Variants in NFKBIE observed in about 807,000 individuals in gnomAD.
NFKBIE encodes NF-kappa-B inhibitor epsilon.
NFKBIE carries 11 observed loss-of-function variants against 31.6 expected under a neutral mutation model. The observed-to-expected ratio is 0.35, with a 90% CI of 0.22 to 0.58. The LOEUF (loss-of-function observed/expected upper bound fraction) is 0.58. Ranked by LOEUF, NFKBIE falls within the 20% of genes least tolerant of loss-of-function variation. NFKBIE has a pLI of 0.83. For synonymous variants in NFKBIE, 208 were observed against 210.1 expected, an observed-to-expected ratio of 0.99 and a Z score of 0.09; for missense variants, 354 against 465.7, an observed-to-expected ratio of 0.76 and a Z score of 2.21.
intron 2 of NFKBIE, 142 bp downstream of exon 2, chr6:44,262,418 A>C: frequency 1.5e-6 from 1 of 671,444 alleles, no homozygotes. Context: ...GCCATGTCTT[A>C]CTTGGGTCTG....
Position 44,259,114 on chromosome 6 carries a change from TA to T in NFKBIE, c.*104del. On this transcript the variant is annotated 3_prime_UTR_variant, in exon 6 of 6. Transcript: ENST00000619360. The stretch of plus-strand genomic sequence containing the variant: ...CCCAGGCTCTGGCCACAGCAGTCCC[TA>T]GGGCACCAGAAGAGCACATAGCCTG... 1.6e-6 allele frequency: 2 copies of T among 1,222,698 alleles called. No individual in the cohort carries two copies. Among genetic ancestry groups the T allele is most frequent in the Non-Finnish European group, 2.4e-6 (2 of 836,822 alleles). The allele number at this position is 1,222,698 out of a possible 1,614,324, so 75.7% of individuals were successfully genotyped here. A position where few individuals can be genotyped will look rare whatever the true frequency, so the allele number is the denominator to read the frequency against.
chr6:44,262,420 T>C (rs991625532), intron 2 of NFKBIE, 140 bp downstream of exon 2: 28 of 681,286 alleles, frequency 4.1e-5, no homozygotes, highest in Non-Finnish European at 6.7e-5. Context: ...CATGTCTTAC[T>C]TGGGTCTGTC....
Position 44,264,972 on chromosome 6 carries a change from C to T in NFKBIE, c.365+10G>A, listed in dbSNP as rs1782064725. On this transcript the variant is annotated intron_variant, in intron 1 of 5. Transcript: ENST00000619360. Reference sequence around the variant, plus strand: ...TTAGCATCCCGATTCAGCCTAGCCCCCATACTCACGTGTCTCCGTCCTCGG... The same window carrying T: ...TTAGCATCCCGATTCAGCCTAGCCCTCATACTCACGTGTCTCCGTCCTCGG... 2 of 1,558,566 alleles carry T rather than the reference C, an allele frequency of 1.3e-6. No individual in the cohort carries two copies. The highest frequency in any genetic ancestry group is 1.7e-6 in the Non-Finnish European group (2 of 1,151,994).
chr6:44,265,374 G>C lies in NFKBIE; in HGVS notation c.-28C>G, dbSNP rs766864686. The C allele has an allele frequency of 8.3e-6, 13 of 1,564,072 alleles. No individual in the cohort carries two copies. The Admixed American group carries it at 2.0e-4, about 24-fold the overall frequency. ...CCGCGGCTCTGGCCGGCCGGGGCCC[G>C]GTCTGAGCAGGATCCGGCTCCAGGC... On this transcript the variant is annotated 5_prime_UTR_variant, in exon 1 of 6. Transcript: ENST00000619360.
rs973482513 is a variant in NFKBIE at position 44,260,884 on chromosome 6, C to T, written c.692-345G>A. Among the ~76,000 whole-genome samples the T allele has an allele frequency of 1.3e-4, 20 of 151,148 alleles. No homozygotes were observed. In the South Asian group the frequency reaches 3.8e-3, roughly 28 times the overall value. ...AGACACACACACACACACACACACA[C>T]ACACACAACCTGCCTTCAAGCCCAG... On this transcript the variant is annotated intron_variant, in intron 3 of 5. Coordinates refer to ENST00000619360, the MANE Select transcript of NFKBIE (RefSeq NM_004556.3). This position sits in a 1 kb window ranked among gnomAD's most constrained non-coding sequence, Gnocchi z 5.5.
In NFKBIE at chr6:44,262,544, T is replaced by C. The variant is rs769991234; in HGVS notation, c.468+16A>G. 1 of 1,610,318 alleles carries C rather than the reference T, an allele frequency of 6.2e-7. No homozygotes were observed. On this transcript the variant is annotated intron_variant, in intron 2 of 5. Coordinates refer to ENST00000619360, the MANE Select transcript of NFKBIE (RefSeq NM_004556.3). ...CACAAACAGGTATCTGGGCATAACA[T>C]TCTCTCGCCACCAACCTGGTAAAGG...
intron 2 of NFKBIE, among the ~76,000 whole-genome samples, 166 bp downstream of exon 2, chr6:44,262,394 A>T (rs1291985472): frequency 2.0e-5 from 3 of 152,184 alleles, no homozygotes; most frequent in Non-Finnish European, 4.4e-5. Flanking sequence ...GGATGCAAGC[A>T]CCTCAGGACA....
rs1293789410 is a variant in NFKBIE, at chr6:44,263,399, G to A, written c.366-737C>T. On this transcript the variant is annotated intron_variant, in intron 1 of 5. Transcript: ENST00000619360. The surrounding 1 kb of genome is among the most constrained non-coding windows in gnomAD (Gnocchi z 5.0). ...GTCTTGGGGTTTCCCCACGTCAGGT[G>A]GGGAAAACGAAAGCCAGTGATGGAG... Among the ~76,000 whole-genome samples, 2 of 152,148 alleles carry A rather than the reference G, an allele frequency of 1.3e-5. No individual in the cohort carries two copies. The highest frequency in any genetic ancestry group is 2.9e-5 in the Non-Finnish European group (2 of 68,022).
chr6:44,261,711 G>C lies in NFKBIE; in HGVS notation c.606C>G (p.Ala202=), dbSNP rs1410453020. The C allele has an allele frequency of 6.2e-7, 1 of 1,614,178 alleles. No individual in the cohort carries two copies. The highest frequency in any genetic ancestry group is 8.5e-7 in the Non-Finnish European group (1 of 1,180,038). The stretch of plus-strand genomic sequence containing the variant: ...GCCCTTCCAGCAGGCAGCGGGCACA[G>C]GCCAAGTGCTGGCGCTGGCAGGCCA... ...LHVACQRQHL[A]CARCLLEGRP... Residue 202 remains alanine (A), a synonymous_variant, in exon 3 of 6, where the codon GCC becomes GCG. Transcript: ENST00000619360. This position sits in a 1 kb window ranked among gnomAD's most constrained non-coding sequence, Gnocchi z 4.3.
Position 44,261,086 on chromosome 6 carries a change from C to T in NFKBIE, c.691+540G>A, listed in dbSNP as rs1444998577. On this transcript the variant is annotated intron_variant, in intron 3 of 5. Transcript: ENST00000619360. The surrounding 1 kb of genome is among the most constrained non-coding windows in gnomAD (Gnocchi z 4.3). ...TCAAATTTACATTCTTCACCTTCCT[C>T]AGGGCGCTATTCAGATGTCACTGGC... 6.6e-6 allele frequency among the ~76,000 whole-genome samples: 1 copy of T among 152,178 alleles called. No homozygotes were observed. Among genetic ancestry groups the T allele is most frequent in the African/African-American group, 2.4e-5 (1 of 41,438 alleles).
At chr6:44,264,375 G>C (rs1782035906) in intron 1 of NFKBIE, among the ~76,000 whole-genome samples, 1 of 152,236 alleles carries the variant, frequency 6.6e-6, no homozygotes, top group Non-Finnish European at 1.5e-5. Context: ...TCTGGAGGTA[G>C]AGGATGTCAG....
intron 5 of NFKBIE, among the ~76,000 whole-genome samples, 179 bp from the exon 6 acceptor site, chr6:44,259,463 C>T (rs1389821036): frequency 2.6e-5 from 4 of 152,032 alleles, no homozygotes; most frequent in African/African-American, 4.8e-5. Flanking sequence ...CTTGGCAGAG[C>T]CCTGAGGACT....
intron 2 of NFKBIE, among the ~76,000 whole-genome samples, chr6:44,262,138 C>A (rs1194430854): frequency 1.3e-5 from 2 of 152,110 alleles, no homozygotes; most frequent in East Asian, 1.9e-4. Flanking sequence ...AGAGTCTAGC[C>A]CCTCACCCTG....
rs950959942 is a variant in NFKBIE, at chr6:44,261,280, T to A, written c.691+346A>T. ...TTGCTCATCTCAATCTTTCTCTATT[T>A]TGCACACAGATGCAAGTGTAGCTCC... On this transcript the variant is annotated intron_variant, in intron 3 of 5. Coordinates refer to ENST00000619360, the MANE Select transcript of NFKBIE (RefSeq NM_004556.3). This position sits in a 1 kb window ranked among gnomAD's most constrained non-coding sequence, Gnocchi z 4.3. 1.3e-5 allele frequency among the ~76,000 whole-genome samples: 2 copies of A among 152,186 alleles called. No homozygotes were observed. Among genetic ancestry groups the A allele is most frequent in the Non-Finnish European group, 2.9e-5 (2 of 68,038 alleles).
chr6:44,259,585 GT>G (rs1781818723), intron 5 of NFKBIE, among the ~76,000 whole-genome samples: 1 of 151,554 alleles, frequency 6.6e-6, no homozygotes, highest in Non-Finnish European at 1.5e-5. Context: ...GGGGGATGGG[GT>G]GGGGGGGCTG....
Position 44,260,072 on chromosome 6 carries a change from C to T in NFKBIE, c.991G>A (p.Asp331Asn). Residue 331 changes from aspartate (D) to asparagine (N), a missense_variant, in exon 5 of 6, where the codon GAT (aspartate) becomes AAT (asparagine). This residue lies in a region of NFKBIE where 183 missense variants were observed against 310.6 expected (regional missense o/e 0.59). Coordinates refer to ENST00000619360, the MANE Select transcript of NFKBIE (RefSeq NM_004556.3). This position sits in a 1 kb window ranked among gnomAD's most constrained non-coding sequence, Gnocchi z 5.5. ...TCAGTCAGGTCCTGGGGCGTCTCATCCTCCACATTCCGCAGCAGGGAGTCA... is the reference window on the plus strand; with the variant it reads ...TCAGTCAGGTCCTGGGGCGTCTCATTCTCCACATTCCGCAGCAGGGAGTCA... ...GADSLLRNVE[D>N]ETPQDLTEES... The T allele has an allele frequency of 1.2e-6, 2 of 1,614,200 alleles. No homozygotes were observed. Among genetic ancestry groups the T allele is most frequent in the Non-Finnish European group, 1.7e-6 (2 of 1,180,014 alleles).
rs1398421364 is a variant in NFKBIE at position 44,260,868 on chromosome 6, C to CAG, written c.692-330_692-329insCT. 5.6e-5 allele frequency among the ~76,000 whole-genome samples: 8 copies of CAG among 142,252 alleles called. No individual in the cohort carries two copies. The highest frequency in any genetic ancestry group is 3.5e-4 in the Admixed American group (5 of 14,256). The allele number at this position is 142,252 out of a possible 152,430, so 93.3% of individuals were successfully genotyped here. On this transcript the variant is annotated intron_variant, in intron 3 of 5. Transcript: ENST00000619360. This position sits in a 1 kb window ranked among gnomAD's most constrained non-coding sequence, Gnocchi z 5.5. ...ACACACACACACATACAGACACACACACACACACACACACACACACACAAC... is the reference window on the plus strand; with the variant it reads ...ACACACACACACATACAGACACACACAGACACACACACACACACACACACAAC...
In NFKBIE at chr6:44,260,104, G is replaced by A. The variant is rs1214689911; in HGVS notation, c.959C>T (p.Ala320Val). 3.7e-6 allele frequency: 6 copies of A among 1,614,208 alleles called. No homozygotes were observed. Among genetic ancestry groups the A allele is most frequent in the East Asian group, 2.2e-5 (1 of 44,882 alleles). The change falls in exon 5 of 6, where the codon GCG (alanine) becomes GTG (valine). Residue 320 changes from alanine (A) to valine (V), a missense_variant. Ala to Val is a moderately conservative substitution (Grantham distance 64). This residue lies in a region of NFKBIE where 183 missense variants were observed against 310.6 expected (regional missense o/e 0.59). Transcript: ENST00000619360. This position sits in a 1 kb window ranked among gnomAD's most constrained non-coding sequence, Gnocchi z 5.5. ...LMGISSTLCK[A>V]GADSLLRNVE... The stretch of plus-strand genomic sequence containing the variant: ...ATTCCGCAGCAGGGAGTCAGCACCC[G>A]CCTTGCACAGAGTGGATGAGATGCC...
chr6:44,259,057 C>T lies in NFKBIE; in HGVS notation c.*162G>A, dbSNP rs1229442826. 1.6e-6 allele frequency: 1 copy of T among 623,644 alleles called. No individual in the cohort carries two copies. The highest frequency in any genetic ancestry group is 2.8e-6 in the Non-Finnish European group (1 of 356,640). 38.6% of individuals were successfully genotyped at this position (623,644 alleles called of 1,614,324 possible). On this transcript the variant is annotated 3_prime_UTR_variant, in exon 6 of 6. Coordinates refer to ENST00000619360, the MANE Select transcript of NFKBIE (RefSeq NM_004556.3). The stretch of plus-strand genomic sequence containing the variant: ...ACTGGCTCTCTTCCACTTGCAGTCC[C>T]TCCTCCTCGGCTCAGGACTGTACTG...
Sources: allele counts gnomAD v4.1 joint callset (sites outside exome capture counted in the v4.1 genomes callset), GRCh38; gene constraint gnomAD v4.1.1; regional missense constraint gnomAD v4.1.1; non-coding constraint Gnocchi (gnomAD v3.1); transcripts MANE v1.5; gene names NCBI Gene and HGNC (gene_info 2026-07-23, HGNC 2026-07-21).